ABLIM1: variants seen among roughly 807,000 people sequenced by gnomAD.
The protein encoded by ABLIM1 is actin binding LIM protein 1.
In ABLIM1, 40 loss-of-function variants were observed where a neutral mutation model predicts 107.0. The ratio of observed to expected loss-of-function variants is 0.37; its 90% CI spans 0.29 to 0.49. The LOEUF (loss-of-function observed/expected upper bound fraction) is 0.49, where lower values mean the gene tolerates loss of function less well. Ranked by LOEUF, ABLIM1 falls within the 20% of genes least tolerant of loss-of-function variation. ABLIM1 has a pLI of 0.97. For synonymous variants in ABLIM1, 357 were observed against 357.3 expected, an observed-to-expected ratio of 1.00 and a Z score of 0.01; for missense variants, 857 against 1,008.5, an observed-to-expected ratio of 0.85 and a Z score of 2.04.
At chr10:114,450,052 AT>A in intron 14 of ABLIM1, 1 of 364,556 alleles carries the variant, frequency 2.7e-6, no homozygotes, top group Non-Finnish European at 5.5e-6. Flanking sequence ...TAAAGATAGT[AT>A]TTTTTAAAGC....
intron 2 of ABLIM1, among the ~76,000 whole-genome samples, chr10:114,578,526 C>A (rs2072928371): frequency 6.6e-6 from 1 of 151,862 alleles, no homozygotes; most frequent in African/African-American, 2.4e-5. Context: ...CCTGCCTCAG[C>A]CTCCCAAGTA....
intron 1 of ABLIM1, among the ~76,000 whole-genome samples, chr10:114,709,771 G>T (rs2081507505): frequency 6.6e-6 from 1 of 152,152 alleles, no homozygotes; most frequent in Admixed American, 6.5e-5. Flanking sequence ...TTAATCAGCT[G>T]CTTGTTAGTT....
At chr10:114,573,822 C>G (rs1396074964) in intron 3 of ABLIM1, among the ~76,000 whole-genome samples, 1 of 152,176 alleles carries the variant, frequency 6.6e-6, no homozygotes, top group Non-Finnish European at 1.5e-5. Flanking sequence ...TCAATTCAAC[C>G]TGGGAAGTAA....
At chr10:114,749,450 CCACACACACA>C (rs151201319) in intron 1 of ABLIM1, among the ~76,000 whole-genome samples, 12 of 141,488 alleles carry the variant, frequency 8.5e-5, no homozygotes, top group African/African-American at 2.8e-4. Context: ...AACACACACA[CCACACACACA>C]CACACACACA....
intron 1 of ABLIM1, among the ~76,000 whole-genome samples, chr10:114,720,248 C>A (rs2081808239): frequency 6.6e-6 from 1 of 152,016 alleles, no homozygotes; most frequent in South Asian, 2.1e-4. Flanking sequence ...GTATATGTAC[C>A]ACATTTTCTT....
At chr10:114,536,538 G>A (rs915151464) in intron 6 of ABLIM1, among the ~76,000 whole-genome samples, 16 of 152,038 alleles carry the variant, frequency 1.1e-4, no homozygotes, top group African/African-American at 9.7e-5. Context: ...GTGAGCCACC[G>A]CACCTGGCCC....
rs1406821250 is a variant in ABLIM1 at position 114,575,523 on chromosome 10, C to T, written c.456G>A (p.Arg152=). The change falls in exon 3 of 23, where the codon CGG becomes CGA. Residue 152 remains arginine, a synonymous_variant. Coordinates refer to ENST00000533213, the MANE Select transcript of ABLIM1 (RefSeq NM_002313.7). ...AGCCATGGCAGCGTGTCCCGTACAT[C>T]CGCTGGTAGTCCAGGGTGCAGAGAT... ...GEYLCTLDYQ[R]MYGTRCHGCG... 2 of 1,614,104 alleles carry T rather than the reference C, an allele frequency of 1.2e-6. No individual in the cohort carries two copies. The highest frequency in any genetic ancestry group is 1.7e-6 in the Non-Finnish European group (2 of 1,180,044).
chr10:114,533,536 C>T (rs2065667000), intron 6 of ABLIM1, among the ~76,000 whole-genome samples: 1 of 152,194 alleles, frequency 6.6e-6, no homozygotes, highest in African/African-American at 2.4e-5. Flanking sequence ...CTTGACTACC[C>T]ATTCCTTAAG....
At chr10:114,682,647 G>T (rs1362169157) in intron 1 of ABLIM1, among the ~76,000 whole-genome samples, 2 of 152,142 alleles carry the variant, frequency 1.3e-5, no homozygotes, top group African/African-American at 4.8e-5. Context: ...TGAGCTTCAA[G>T]TCAACTGCTG....
intron 6 of ABLIM1, among the ~76,000 whole-genome samples, chr10:114,540,820 C>A (rs950086703): frequency 1.3e-5 from 2 of 152,130 alleles, no homozygotes; most frequent in Non-Finnish European, 2.9e-5. Context: ...TGGGATGATA[C>A]GTGCATGATT....
At chr10:114,603,016 G>T (rs1397220081) in intron 1 of ABLIM1, among the ~76,000 whole-genome samples, 1 of 152,144 alleles carries the variant, frequency 6.6e-6, no homozygotes, top group Non-Finnish European at 1.5e-5. Flanking sequence ...TTGATGTGGG[G>T]CCTCAGAAGG....
At chr10:114,761,983 GCTCTCTCTCTCTCT>G (rs144008972) in intron 1 of ABLIM1, among the ~76,000 whole-genome samples, 1 of 145,618 alleles carries the variant, frequency 6.9e-6, no homozygotes, top group Admixed American at 6.8e-5. Context: ...TATCCCATAT[GCTCTCTCTCTCTCT>G]CTCTCTCTCT....
At chr10:114,464,635 C>G (rs1273415297) in intron 12 of ABLIM1, among the ~76,000 whole-genome samples, 2 of 152,124 alleles carry the variant, frequency 1.3e-5, no homozygotes, top group Admixed American at 1.3e-4. Flanking sequence ...ATAAATAGCA[C>G]AAACATTTAT....
intron 1 of ABLIM1, among the ~76,000 whole-genome samples, chr10:114,737,780 T>C (rs2082209246): frequency 6.6e-6 from 1 of 152,128 alleles, no homozygotes; most frequent in African/African-American, 2.4e-5. Context: ...TCTCAGGAGA[T>C]AGTGGCCAAA....
chr10:114,498,146 G>A (rs17717312), intron 6 of ABLIM1, among the ~76,000 whole-genome samples: 11,739 of 152,012 alleles, frequency 0.077, 453 homozygotes, highest in South Asian at 0.093. Context: ...CCATCCATAG[G>A]GCCTCAAATA....
At chr10:114,470,196 G>A (rs1413983076) in intron 10 of ABLIM1, among the ~76,000 whole-genome samples, 1 of 152,178 alleles carries the variant, frequency 6.6e-6, no homozygotes, top group East Asian at 1.9e-4. Context: ...GCCAAGGCGG[G>A]TGGATCACTT....
intron 1 of ABLIM1, among the ~76,000 whole-genome samples, chr10:114,708,706 G>A (rs1405934411): frequency 6.6e-6 from 1 of 152,112 alleles, no homozygotes; most frequent in Non-Finnish European, 1.5e-5. Flanking sequence ...ATAACCAACT[G>A]ACTAATAAAA....
Position 114,593,243 on chromosome 10 carries a change from C to T in ABLIM1, c.379+8584G>A, listed in dbSNP as rs185683622. Among the ~76,000 whole-genome samples the T allele has an allele frequency of 2.0e-3, 311 of 152,214 alleles. 2 individuals carry two copies. Among genetic ancestry groups the T allele is most frequent in the African/African-American group, 7.2e-3 (299 of 41,524 alleles). ...GGGTGAACTTCGGCATGCCTTTCCTCAAGAAATAAGCATTCATAGACATGA... is the reference window on the plus strand; with the variant it reads ...GGGTGAACTTCGGCATGCCTTTCCTTAAGAAATAAGCATTCATAGACATGA... On this transcript the variant is annotated intron_variant, in intron 2 of 22. Transcript: ENST00000533213.
chr10:114,684,610 A>G (rs887153208), exon 1 of ABLIM1: 40 of 1,279,360 alleles, frequency 3.1e-5, no homozygotes, highest in Non-Finnish European at 3.6e-5. Context: ...CCCTGCCCCT[A>G]CCACTTCTAA....
Sources: allele counts gnomAD v4.1 joint callset (sites outside exome capture counted in the v4.1 genomes callset), GRCh38; gene constraint gnomAD v4.1.1; transcripts MANE v1.5; gene names NCBI Gene and HGNC (gene_info 2026-07-23, HGNC 2026-07-21).